The following DCHS2 variants were observed in gnomAD, a reference collection of about 807,000 sequenced individuals.
DCHS2 encodes the protein dachsous cadherin-related 2.
A neutral mutation model predicts 182.4 loss-of-function variants in DCHS2; 142 were observed. That is an observed-to-expected ratio of 0.78 (90% CI 0.68 to 0.89). The LOEUF (loss-of-function observed/expected upper bound fraction) is 0.89, where lower values mean the gene tolerates loss of function less well. Ranked by LOEUF, DCHS2 falls within the 40% of genes least tolerant of loss-of-function variation. The pLI is 0.00. For synonymous variants in DCHS2, 1,740 were observed against 1,663.3 expected (o/e 1.05, Z -1.12); for missense variants, 4,319 against 4,198.6 (o/e 1.03, Z -0.79).
At chr4:154,432,212 T>C (rs1733587246) in intron 1 of DCHS2, among the ~76,000 whole-genome samples, 1 of 152,264 alleles carries the variant, frequency 6.6e-6, no homozygotes, top group African/African-American at 2.4e-5. Flanking sequence ...GAATAGTCCA[T>C]CTTTTTACAT....
chr4:154,423,999 T>G (rs1377911582), intron 1 of DCHS2, among the ~76,000 whole-genome samples: 1 of 152,230 alleles, frequency 6.6e-6, no homozygotes, highest in Non-Finnish European at 1.5e-5. Flanking sequence ...TTTAGAAATA[T>G]CTTCAAATCA....
chr4:154,433,072 T>C (rs1476308944), intron 1 of DCHS2, among the ~76,000 whole-genome samples: 2 of 152,130 alleles, frequency 1.3e-5, no homozygotes, highest in Non-Finnish European at 2.9e-5. Context: ...GCAGATATAA[T>C]AGGGTTAAGA....
intron 1 of DCHS2, among the ~76,000 whole-genome samples, chr4:154,448,132 T>C (rs1734377894): frequency 6.6e-6 from 1 of 152,146 alleles, no homozygotes; most frequent in Admixed American, 6.5e-5. Context: ...CATTCCCTCT[T>C]CCATGGCTCT....
chr4:154,344,088 G>A (rs1490834105), intron 3 of DCHS2, among the ~76,000 whole-genome samples: 7 of 152,158 alleles, frequency 4.6e-5, no homozygotes, highest in African/African-American at 9.7e-5. Context: ...GGAGCAATCA[G>A]AGCACACACA....
chr4:154,326,500 G>T (rs574972898), intron 7 of DCHS2, among the ~76,000 whole-genome samples: 6 of 151,906 alleles, frequency 3.9e-5, no homozygotes, highest in Non-Finnish European at 8.8e-5. Flanking sequence ...TGTTTAAACC[G>T]TCTTCTTTAT....
intron 14 of DCHS2, among the ~76,000 whole-genome samples, chr4:154,268,865 G>T (rs1198631325): frequency 1.3e-5 from 2 of 152,100 alleles, no homozygotes; most frequent in Non-Finnish European, 2.9e-5. Flanking sequence ...GACTGTAGAA[G>T]AAATAAGACC....
chr4:154,390,783 T>C (rs1188745257), intron 1 of DCHS2, among the ~76,000 whole-genome samples: 1 of 152,176 alleles, frequency 6.6e-6, no homozygotes, highest in Non-Finnish European at 1.5e-5. Flanking sequence ...TGTACTATTC[T>C]TCATCACCAA....
chr4:154,402,758 G>A (rs1560737159), intron 1 of DCHS2, among the ~76,000 whole-genome samples: 2 of 152,328 alleles, frequency 1.3e-5, no homozygotes, highest in South Asian at 4.1e-4. Context: ...GTTTTGAAAT[G>A]TGGGGACATG....
At chr4:154,365,362 A>G (rs1730300230) in intron 3 of DCHS2, among the ~76,000 whole-genome samples, 2 of 152,224 alleles carry the variant, frequency 1.3e-5, no homozygotes, top group South Asian at 4.1e-4. Context: ...TCATACAAAT[A>G]AGGGGAAATT....
intron 1 of DCHS2, among the ~76,000 whole-genome samples, chr4:154,422,969 T>C (rs1733172879): frequency 6.6e-6 from 1 of 152,168 alleles, no homozygotes; most frequent in African/African-American, 2.4e-5. Flanking sequence ...TCCTCCTCCA[T>C]AGCTCTGTCC....
In DCHS2 at chr4:154,359,243, C is replaced by T. The variant is rs150104386; in HGVS notation, c.2476+6967G>A. On this transcript the variant is annotated intron_variant, in intron 3 of 19. Coordinates refer to ENST00000357232, the MANE Select transcript of DCHS2 (RefSeq NM_001358235.2). ...TATAATGTTTGTCTATGCTCTTCACCTTGTCACTTTTTATTTAAATAGAGG... is the reference window on the plus strand; with the variant it reads ...TATAATGTTTGTCTATGCTCTTCACTTTGTCACTTTTTATTTAAATAGAGG... Among the ~76,000 whole-genome samples the T allele has an allele frequency of 2.0e-5, 3 of 151,984 alleles. No homozygotes were observed. In the South Asian group the frequency reaches 6.2e-4, roughly 32 times the overall value.
intron 13 of DCHS2, among the ~76,000 whole-genome samples, chr4:154,272,692 C>A (rs555104577): frequency 2.0e-5 from 3 of 152,248 alleles, no homozygotes; most frequent in African/African-American, 4.8e-5. Context: ...TCAATTAAAC[C>A]TCTTTCCTTT....
At chr4:154,429,843 T>C (rs1232543310) in intron 1 of DCHS2, among the ~76,000 whole-genome samples, 1 of 152,162 alleles carries the variant, frequency 6.6e-6, no homozygotes, top group African/African-American at 2.4e-5. Context: ...GCTGGGCTTT[T>C]CCCCTAGCTC....
chr4:154,490,995 C>T lies in DCHS2; in HGVS notation c.361G>A (p.Asp121Asn). Reference protein sequence around the residue: ...PLLDDFHVHPDTGIIRTARRL... With the variant: ...PLLDDFHVHPNTGIIRTARRL... ...CGCGCAGTGCGGATGATGCCGGTGT[C>T]CGGGTGCACGTGGAAGTCGTCCAGC... Residue 121 changes from aspartate to asparagine, a missense_variant, in exon 1 of 20, where the codon GAC becomes AAC. By Grantham distance (23) the Asp-to-Asn change is conservative (BLOSUM62 1). Transcript: ENST00000357232. 1.3e-6 allele frequency: 2 copies of T among 1,550,434 alleles called. No individual in the cohort carries two copies. The highest frequency in any genetic ancestry group is 2.4e-5 in the South Asian group (2 of 83,978).
intron 13 of DCHS2, among the ~76,000 whole-genome samples, chr4:154,293,966 T>G (rs112547255): frequency 0.013 from 1,921 of 150,796 alleles, 45 homozygotes; most frequent in African/African-American, 0.044. Flanking sequence ...ACCCCATGAG[T>G]TTTTTTTTCC....
intron 14 of DCHS2, among the ~76,000 whole-genome samples, chr4:154,264,360 C>A (rs991469272): frequency 1.3e-4 from 20 of 151,932 alleles, no homozygotes; most frequent in Non-Finnish European, 4.4e-5. Flanking sequence ...ACATTAAAAA[C>A]CCTTGGAAAT....
At chr4:154,409,906 T>G (rs1262084558) in intron 1 of DCHS2, among the ~76,000 whole-genome samples, 2 of 152,188 alleles carry the variant, frequency 1.3e-5, no homozygotes, top group East Asian at 1.9e-4. Context: ...TAGTCATCAC[T>G]GACATTGATT....
chr4:154,368,946 T>C (rs1230052657), intron 2 of DCHS2, among the ~76,000 whole-genome samples: 1 of 152,204 alleles, frequency 6.6e-6, no homozygotes, highest in Non-Finnish European at 1.5e-5. Context: ...AGAGGACAGA[T>C]TTATTCTACT....
intron 13 of DCHS2, among the ~76,000 whole-genome samples, chr4:154,296,351 G>T (rs1390298462): frequency 6.6e-6 from 1 of 152,132 alleles, no homozygotes; most frequent in African/African-American, 2.4e-5. Context: ...GTCAGGAGGG[G>T]TGGCATTCAC....
Sources: allele counts gnomAD v4.1 joint callset (sites outside exome capture counted in the v4.1 genomes callset), GRCh38; gene constraint gnomAD v4.1.1; transcripts MANE v1.5; gene names NCBI Gene and HGNC (gene_info 2026-07-23, HGNC 2026-07-21).